Variants in CCDC192 observed in about 807,000 individuals in gnomAD.
CCDC192 encodes the protein coiled-coil domain containing 192, also known as coiled-coil domain-containing protein 192.
intron 2 of CCDC192, among the ~76,000 whole-genome samples, chr5:127,750,500 C>G (rs1200229082): frequency 6.6e-6 from 1 of 151,554 alleles, no homozygotes; most frequent in Non-Finnish European, 1.5e-5. Context: ...AATTTCTGTT[C>G]TTTTACATTT....
chr5:127,858,958 A>T (rs1751236008), intron 5 of CCDC192, among the ~76,000 whole-genome samples: 1 of 152,222 alleles, frequency 6.6e-6, no homozygotes, highest in Non-Finnish European at 1.5e-5. Context: ...ACTGTCACAT[A>T]AAAATTGTGT....
intron 6 of CCDC192, among the ~76,000 whole-genome samples, chr5:127,894,559 A>G (rs1397899821): frequency 6.6e-6 from 1 of 152,142 alleles, no homozygotes; most frequent in East Asian, 1.9e-4. Flanking sequence ...CTTTGAATGG[A>G]CAATGTAAGT....
In CCDC192 at chr5:127,786,566, G is replaced by A. The variant is rs540834967; in HGVS notation, c.223-10537G>A. 23 of 691,090 alleles carry A rather than the reference G, an allele frequency of 3.3e-5. No homozygotes were observed. The East Asian group carries it at 5.9e-4, about 18-fold the overall frequency. 42.8% of individuals were successfully genotyped at this position (691,090 alleles called of 1,614,324 possible). ...TGGTCTCTCCAAGTCACCAATGCAA[G>A]GGAATAGATTTCACATATTCCTTTC... On this transcript the variant is annotated intron_variant, in intron 3 of 6. Transcript: ENST00000514853.
In CCDC192 at chr5:127,720,442, G is replaced by A. The variant is rs542071670; in HGVS notation, c.114+12682G>A. Among the ~76,000 whole-genome samples, 10 of 152,330 alleles carry A rather than the reference G, an allele frequency of 6.6e-5. 1 individual carries two copies. The South Asian group carries it at 2.1e-3, about 32-fold the overall frequency. On this transcript the variant is annotated intron_variant, in intron 2 of 6. Coordinates refer to ENST00000514853, the MANE Select transcript of CCDC192 (RefSeq NM_001317938.2). ...GCTCTGCCCCTGTGGTTCTGCAGGGGACAGCCACCATGGCTGCTTTCATGG... is the reference window on the plus strand; with the variant it reads ...GCTCTGCCCCTGTGGTTCTGCAGGGAACAGCCACCATGGCTGCTTTCATGG...
At chr5:127,812,297 A>G (rs548477385) in intron 5 of CCDC192, among the ~76,000 whole-genome samples, 1 of 152,334 alleles carries the variant, frequency 6.6e-6, no homozygotes, top group East Asian at 1.9e-4. Context: ...TTGTGAGAGA[A>G]TGCTCTGAAT....
rs1350065683 is a variant in CCDC192, at chr5:127,726,786, G to A, written c.114+19026G>A. Among the ~76,000 whole-genome samples the A allele has an allele frequency of 2.6e-5, 4 of 152,174 alleles. No individual in the cohort carries two copies. In the South Asian group the frequency reaches 8.3e-4, roughly 32 times the overall value. On this transcript the variant is annotated intron_variant, in intron 2 of 6. Coordinates refer to ENST00000514853, the MANE Select transcript of CCDC192 (RefSeq NM_001317938.2). ...TGATCTCCCTGGGATGAAACCCTGG[G>A]GTAAGGGGATCTGCAGACTTAGTCT...
chr5:127,813,530 C>T (rs1213779532), intron 5 of CCDC192, among the ~76,000 whole-genome samples: 1 of 152,070 alleles, frequency 6.6e-6, no homozygotes, highest in Middle Eastern at 3.2e-3. Context: ...AATCTCTTCC[C>T]TTTCTTTTAT....
intron 5 of CCDC192, among the ~76,000 whole-genome samples, chr5:127,861,594 G>C (rs1751373686): frequency 1.3e-5 from 2 of 152,060 alleles, no homozygotes; most frequent in Admixed American, 1.3e-4. Flanking sequence ...GGTGGAGGTT[G>C]CGGTGAGCTG....
chr5:127,843,686 C>T (rs1207796168), intron 5 of CCDC192, among the ~76,000 whole-genome samples: 1 of 152,164 alleles, frequency 6.6e-6, no homozygotes, highest in Non-Finnish European at 1.5e-5. Context: ...GATCCGCCTG[C>T]CTGGCCCTCC....
intron 5 of CCDC192, among the ~76,000 whole-genome samples, chr5:127,867,265 T>C (rs1751652139): frequency 6.6e-6 from 1 of 152,200 alleles, no homozygotes; most frequent in South Asian, 2.1e-4. Flanking sequence ...TTAATTTTCT[T>C]CTGGAAGACA....
chr5:127,750,274 C>T (rs1006675932), intron 2 of CCDC192, among the ~76,000 whole-genome samples: 8 of 152,284 alleles, frequency 5.3e-5, no homozygotes, highest in Non-Finnish European at 7.3e-5. Context: ...TCCCTCTACA[C>T]ACTGCTTTGA....
rs368109328 is a variant in CCDC192 at position 127,875,697 on chromosome 5, G to A, written c.535+36G>A. 19 of 398,382 alleles carry A rather than the reference G, an allele frequency of 4.8e-5. 1 individual carries two copies. The highest frequency in any genetic ancestry group is 2.6e-4 in the South Asian group (2 of 7,818). The allele number at this position is 398,382 out of a possible 1,614,324, so 24.7% of individuals were successfully genotyped here. ...CCACGTGACAGATCCACACTGGCCC[G>A]TCAGCTGGGTGATGTATGTAGTTGT... On this transcript the variant is annotated intron_variant, in intron 6 of 6. Transcript: ENST00000514853.
chr5:127,798,565 C>G (rs1168997510), intron 5 of CCDC192, among the ~76,000 whole-genome samples: 1 of 152,068 alleles, frequency 6.6e-6, no homozygotes, highest in Non-Finnish European at 1.5e-5. Context: ...CACCTGATAG[C>G]TTCTTAAAAC....
chr5:127,770,035 G>C (rs1755459448), intron 3 of CCDC192, among the ~76,000 whole-genome samples: 1 of 152,152 alleles, frequency 6.6e-6, no homozygotes, highest in African/African-American at 2.4e-5. Context: ...ACTCTAATTT[G>C]AGATTCAGGT....
chr5:127,738,126 G>A (rs1283523067), intron 2 of CCDC192, among the ~76,000 whole-genome samples: 8 of 151,592 alleles, frequency 5.3e-5, no homozygotes, highest in Non-Finnish European at 1.2e-4. Context: ...GGCAGGCCTG[G>A]TGGTGACAAA....
At chr5:127,935,958 T>C (rs953335311) in intron 6 of CCDC192, among the ~76,000 whole-genome samples, 1 of 151,920 alleles carries the variant, frequency 6.6e-6, no homozygotes, top group Non-Finnish European at 1.5e-5. Context: ...TACAAAATTA[T>C]CCGAGTGTGG....
rs1358238367 is a variant in CCDC192 at position 127,734,683 on chromosome 5, G to A, written c.115-19585G>A. 1.4e-4 allele frequency among the ~76,000 whole-genome samples: 20 copies of A among 145,684 alleles called. No individual in the cohort carries two copies. In the East Asian group the frequency reaches 3.6e-3, roughly 26 times the overall value. On this transcript the variant is annotated intron_variant, in intron 2 of 6. Coordinates refer to ENST00000514853, the MANE Select transcript of CCDC192 (RefSeq NM_001317938.2). ...TGCATTTCTCTGATGGCCAGTGATG[G>A]TGAGCATTTTTTCATGTGTTTTTTG...
chr5:127,727,167 G>C (rs1024695890), intron 2 of CCDC192, among the ~76,000 whole-genome samples: 1 of 152,146 alleles, frequency 6.6e-6, no homozygotes, highest in Non-Finnish European at 1.5e-5. Flanking sequence ...CGGAAGAGGG[G>C]CCTGACTGTT....
intron 2 of CCDC192, among the ~76,000 whole-genome samples, chr5:127,737,593 G>A (rs4276454): frequency 0.35 from 52,721 of 150,442 alleles, 9,711 homozygotes; most frequent in Middle Eastern, 0.41. Flanking sequence ...CTCAGGACTT[G>A]CTTTATGAAT....
Sources: allele counts gnomAD v4.1 joint callset (sites outside exome capture counted in the v4.1 genomes callset), GRCh38; gene constraint gnomAD v4.1.1; transcripts MANE v1.5; gene names NCBI Gene and HGNC (gene_info 2026-07-23, HGNC 2026-07-21).